Variants in PCF11 observed in about 807,000 individuals in gnomAD.
PCF11 encodes pre-mRNA cleavage complex 2 protein Pcf11.
Under a neutral mutation model 166.1 loss-of-function variants are expected in PCF11, and 19 were observed. The ratio of observed to expected loss-of-function variants is 0.11; its 90% confidence interval spans 0.08 to 0.17. PCF11 has a LOEUF of 0.17. PCF11 is among the 10% of genes least tolerant of loss of function. The pLI is 1.00. For missense variants in PCF11, 1,565 were observed against 1,855.5 expected (o/e 0.84, Z 2.88); for synonymous variants, 663 against 644.1 (o/e 1.03, Z -0.44).
rs1256321403 is a variant in PCF11 at position 83,168,294 on chromosome 11, C to A, written c.2093-134C>A. The A allele has an allele frequency of 3.6e-6, 3 of 823,468 alleles. No homozygotes were observed. The African/African-American group carries it at 5.2e-5, about 14-fold the overall frequency. 51.0% of individuals were successfully genotyped at this position (823,468 alleles called of 1,614,324 possible). A position where few individuals can be genotyped will look rare whatever the true frequency, so the allele number is the denominator to read the frequency against. On this transcript the variant is annotated intron_variant, in intron 7 of 15. Coordinates refer to ENST00000298281, the Ensembl canonical transcript of PCF11. ...CTGACTCTAGAGGGCATCCTCTTAT[C>A]TGCTGCTTTACGCTGTCGGTCTCTC...
chr11:83,186,708 G>A (rs917886958), exon 16 of PCF11: 3 of 152,218 alleles, frequency 2.0e-5, no homozygotes, highest in African/African-American at 4.8e-5. Flanking sequence ...TAAATCCAGA[G>A]AGGTCCAGTG....
chr11:83,184,882 C>T (rs764483301), exon 16 of PCF11: 9 of 1,552,416 alleles, frequency 5.8e-6, no homozygotes, highest in African/African-American at 1.4e-5. Context: ...ATGACACAGT[C>T]GAGTCAGTTT....
chr11:83,170,343 G>A lies in PCF11; in HGVS notation c.3660+348G>A, dbSNP rs982318952. ...CATTGCAGAACTGTTGAGCCCTGACGTGCTTTAAGGTAGCCATAGAATTGA... is the reference window on the plus strand; with the variant it reads ...CATTGCAGAACTGTTGAGCCCTGACATGCTTTAAGGTAGCCATAGAATTGA... On this transcript the variant is annotated intron_variant, in intron 8 of 15. Coordinates refer to ENST00000298281, the Ensembl canonical transcript of PCF11. 3.9e-5 allele frequency among the ~76,000 whole-genome samples: 6 copies of A among 152,130 alleles called. No individual in the cohort carries two copies. In the East Asian group the frequency reaches 5.8e-4, roughly 15 times the overall value.
At chr11:83,176,815 A>G (rs1413253605) in intron 9 of PCF11, among the ~76,000 whole-genome samples, 4 of 152,122 alleles carry the variant, frequency 2.6e-5, no homozygotes, top group Admixed American at 2.6e-4. Context: ...GTGCACATGT[A>G]CCCTAGAACT....
At chr11:83,173,602 A>C (rs2135434901) in intron 9 of PCF11, among the ~76,000 whole-genome samples, 1 of 151,468 alleles carries the variant, frequency 6.6e-6, no homozygotes, top group Admixed American at 6.6e-5. Flanking sequence ...GTGCTATATT[A>C]ATGTATTTTC....
chr11:83,183,705 G>A (rs534030391), intron 15 of PCF11, among the ~76,000 whole-genome samples: 4 of 151,936 alleles, frequency 2.6e-5, no homozygotes, highest in African/African-American at 9.6e-5. Flanking sequence ...GGTCAGGCTG[G>A]TCTTGAACTC....
chr11:83,163,341 A>G (rs1291707397), intron 2 of PCF11, among the ~76,000 whole-genome samples: 1 of 152,030 alleles, frequency 6.6e-6, no homozygotes, highest in Non-Finnish European at 1.5e-5. Flanking sequence ...GTTGTTTTAT[A>G]TTTTTTAGTT....
intron 14 of PCF11, 40 bp downstream of exon 14, chr11:83,182,531 GT>G: frequency 4.0e-6 from 4 of 1,001,164 alleles, no homozygotes; most frequent in Non-Finnish European, 6.3e-6. Flanking sequence ...TAAGATTAGT[GT>G]TTTTTTGTTG....
chr11:83,171,909 C>T (rs1468471470), exon 9 of PCF11: 1 of 1,496,620 alleles, frequency 6.7e-7, no homozygotes, highest in Non-Finnish European at 9.3e-7. Context: ...GTTCAGAATC[C>T]TTCAGGTATG....
At chr11:83,158,028 C>T (rs1322924091) in intron 1 of PCF11, 1 of 169,518 alleles carries the variant, frequency 5.9e-6, no homozygotes, top group Non-Finnish European at 1.3e-5. Flanking sequence ...TTTCCCCAAG[C>T]ACCCTTTTTG....
chr11:83,166,141 A>C, exon 5 of PCF11: 1 of 1,610,672 alleles, frequency 6.2e-7, no homozygotes, highest in Non-Finnish European at 8.5e-7. Context: ...ACCGATGGCA[A>C]AGATGATGAT....
intron 9 of PCF11, among the ~76,000 whole-genome samples, chr11:83,176,333 TG>T (rs1385897837): frequency 1.3e-5 from 2 of 152,228 alleles, no homozygotes; most frequent in Non-Finnish European, 2.9e-5. Context: ...ATCCCATTAC[TG>T]GGTATATACC....
chr11:83,164,356 G>A (rs1860370853), exon 4 of PCF11: 1 of 1,613,438 alleles, frequency 6.2e-7, no homozygotes, highest in Admixed American at 1.7e-5. Flanking sequence ...TAGAACTTCA[G>A]CAGAAAAAGC....
At chr11:83,166,605 A>G (rs1254831776) in exon 5 of PCF11, 5 of 1,613,954 alleles carry the variant, frequency 3.1e-6, no homozygotes, top group African/African-American at 1.3e-5. Flanking sequence ...ACAAGAAACT[A>G]CAAATCAGCA....
intron 2 of PCF11, among the ~76,000 whole-genome samples, chr11:83,161,894 G>GT (rs1439355887): frequency 6.6e-6 from 1 of 151,910 alleles, no homozygotes; most frequent in Non-Finnish European, 1.5e-5. Context: ...AAACTTGTGT[G>GT]TTTTTTTGTT....
chr11:83,169,329 T>C, exon 8 of PCF11: 1 of 1,611,946 alleles, frequency 6.2e-7, no homozygotes, highest in Non-Finnish European at 8.5e-7. Context: ...TTGAAGGCCC[T>C]TTAGTCCAAC....
chr11:83,186,372 A>AACTC (rs1347026861), exon 16 of PCF11: 3 of 152,236 alleles, frequency 2.0e-5, no homozygotes, highest in African/African-American at 7.2e-5. Flanking sequence ...TTATGGTTAA[A>AACTC]ACTCAGTAGT....
At chr11:83,177,794 A>C in exon 11 of PCF11, 1 of 1,522,600 alleles carries the variant, frequency 6.6e-7, no homozygotes, top group African/African-American at 1.4e-5. Context: ...AGATCTTACT[A>C]ATTTTACAGT....
chr11:83,180,279 G>C (rs1861042770), intron 11 of PCF11: 1 of 151,750 alleles, frequency 6.6e-6, no homozygotes, highest in Admixed American at 6.6e-5. Context: ...GTAGGGACAG[G>C]GTTTCACCAC....
Sources: gnomAD v4.1 joint callset for allele counts (sites outside exome capture counted in the v4.1 genomes callset) on GRCh38, gnomAD v4.1.1 for gene constraint, MANE v1.5 for transcripts, NCBI Gene and HGNC (gene_info 2026-07-23, HGNC 2026-07-21) for gene names.